GPR137C: variants seen among roughly 807,000 people sequenced by gnomAD.
GPR137C encodes G protein-coupled receptor 137C, also known as integral membrane protein GPR137C.
A neutral mutation model predicts 43.4 loss-of-function variants in GPR137C; 27 were observed. The ratio of observed to expected loss-of-function variants is 0.62; its 90% CI spans 0.46 to 0.86. The LOEUF is 0.86. Ranked by LOEUF, GPR137C falls within the 40% of genes least tolerant of loss-of-function variation. The pLI is 0.00. For synonymous variants in GPR137C, 285 were observed against 226.9 expected, an observed-to-expected ratio of 1.26 and a Z score of -2.30; for missense variants, 522 against 534.6, an observed-to-expected ratio of 0.98 and a Z score of 0.23.
intron 1 of GPR137C, among the ~76,000 whole-genome samples, chr14:52,562,795 G>A (rs1181616010): frequency 6.6e-6 from 1 of 152,064 alleles, no homozygotes; most frequent in Non-Finnish European, 1.5e-5. Flanking sequence ...ATTTACATTA[G>A]AAGAAAACAT....
chr14:52,568,397 C>G (rs2038406266), intron 1 of GPR137C, among the ~76,000 whole-genome samples: 1 of 152,178 alleles, frequency 6.6e-6, no homozygotes, highest in Non-Finnish European at 1.5e-5. Flanking sequence ...GGACACTGAG[C>G]TAACTGCAGG....
chr14:52,553,180 T>C lies in GPR137C; in HGVS notation c.33T>C (p.Ala11=). Residue 11 remains alanine (A), a synonymous_variant, in exon 1 of 7, where the codon GCT becomes GCC. Transcript: ENST00000321662. ...TGTCCGTGCCGGGTCCGGCGGCCGC[T>C]GCCGCCCCCGCAGCCGGCCGCGAGC... MRVSVPGPAA[A]AAPAAGREPS... 2 of 1,192,570 alleles carry C rather than the reference T, an allele frequency of 1.7e-6. No individual in the cohort carries two copies. Among genetic ancestry groups the C allele is most frequent in the South Asian group, 4.2e-5 (1 of 24,002 alleles). The allele number at this position is 1,192,570 out of a possible 1,614,324, so 73.9% of individuals were successfully genotyped here.
At chr14:52,612,331 C>G (rs555388764) in intron 3 of GPR137C, 2 of 892,748 alleles carry the variant, frequency 2.2e-6, no homozygotes, top group Admixed American at 1.2e-4. Flanking sequence ...ATTTTTAAGG[C>G]TGCATAACAT....
intron 3 of GPR137C, chr14:52,613,312 A>G (rs533499463): frequency 5.9e-5 from 9 of 152,258 alleles, no homozygotes; most frequent in African/African-American, 1.9e-4. Context: ...ATTATGGAAA[A>G]TGCAATATCC....
At chr14:52,570,284 A>G (rs1043944922) in intron 1 of GPR137C, among the ~76,000 whole-genome samples, 5 of 152,228 alleles carry the variant, frequency 3.3e-5, no homozygotes, top group Non-Finnish European at 7.3e-5. Context: ...TCCTTTACAG[A>G]CAACCAAATG....
intron 1 of GPR137C, among the ~76,000 whole-genome samples, chr14:52,575,417 A>T (rs1220870779): frequency 6.6e-6 from 1 of 152,184 alleles, no homozygotes; most frequent in Non-Finnish European, 1.5e-5. Flanking sequence ...AATAAAATAT[A>T]AAAAATACTT....
intron 3 of GPR137C, among the ~76,000 whole-genome samples, chr14:52,630,409 T>G (rs1318695336): frequency 1.3e-5 from 2 of 152,264 alleles, no homozygotes; most frequent in South Asian, 2.1e-4. Flanking sequence ...TAATAATACA[T>G]TACTTCTAAA....
chr14:52,571,031 T>C (rs1217065377), intron 1 of GPR137C, among the ~76,000 whole-genome samples: 1 of 152,146 alleles, frequency 6.6e-6, no homozygotes, highest in Non-Finnish European at 1.5e-5. Context: ...ATCAACGAAA[T>C]ATACATTCTT....
At chr14:52,556,981 C>A (rs1264055946) in intron 1 of GPR137C, among the ~76,000 whole-genome samples, 2 of 152,078 alleles carry the variant, frequency 1.3e-5, no homozygotes, top group African/African-American at 2.4e-5. Context: ...AATTCAAAAT[C>A]TTAACTCTTA....
chr14:52,636,782 A>T lies in GPR137C; in HGVS notation c.*1667A>T, dbSNP rs2039357826. On this transcript the variant is annotated 3_prime_UTR_variant, in exon 7 of 7. Coordinates refer to ENST00000321662, the MANE Select transcript of GPR137C (RefSeq NM_001099652.2). ...TACTTATGTTATTTTGGGTTTGTTT[A>T]TAATTCTCTCATTGTAACCAAATTA... The T allele has an allele frequency of 6.6e-6, 1 of 152,152 alleles. No homozygotes were observed. The highest frequency in any genetic ancestry group is 6.6e-5 in the Admixed American group (1 of 15,252). 9.4% of individuals were successfully genotyped at this position (152,152 alleles called of 1,614,324 possible).
At chr14:52,598,402 A>AT (rs1308875812) in intron 2 of GPR137C, 87 bp downstream of exon 2, 35 of 576,190 alleles carry the variant, frequency 6.1e-5, no homozygotes, top group South Asian at 1.6e-4. Flanking sequence ...AAAAGATCTA[A>AT]TTTTTTTTAA....
At chr14:52,632,895 T>G (rs1319444270) in intron 4 of GPR137C, among the ~76,000 whole-genome samples, 2 of 152,156 alleles carry the variant, frequency 1.3e-5, no homozygotes, top group Non-Finnish European at 2.9e-5. Flanking sequence ...ACATACATTT[T>G]GACATAGCTA....
chr14:52,612,033 CT>C (rs2039044112), intron 3 of GPR137C: 1 of 985,162 alleles, frequency 1.0e-6, no homozygotes. Context: ...TTTTGGTTTT[CT>C]TTTGTTTTTC....
chr14:52,629,300 A>G (rs1306616857), intron 3 of GPR137C, among the ~76,000 whole-genome samples: 1 of 152,222 alleles, frequency 6.6e-6, no homozygotes, highest in East Asian at 1.9e-4. Flanking sequence ...AAACATATCC[A>G]CAAAACTATT....
At chr14:52,569,260 C>T (rs1040752097) in intron 1 of GPR137C, among the ~76,000 whole-genome samples, 6 of 151,990 alleles carry the variant, frequency 3.9e-5, no homozygotes, top group Non-Finnish European at 8.8e-5. Context: ...CAAAAAAGGA[C>T]ATCCATGCAA....
At chr14:52,563,755 C>T (rs935355107) in intron 1 of GPR137C, among the ~76,000 whole-genome samples, 1 of 152,060 alleles carries the variant, frequency 6.6e-6, no homozygotes, top group Non-Finnish European at 1.5e-5. Context: ...TCTCAATATT[C>T]TTTCTCCCTC....
chr14:52,635,377 A>G lies in GPR137C; in HGVS notation c.*262A>G. 3.2e-6 allele frequency: 1 copy of G among 309,740 alleles called. No homozygotes were observed. The highest frequency in any genetic ancestry group is 5.9e-6 in the Non-Finnish European group (1 of 170,870). The allele number at this position is 309,740 out of a possible 1,614,324, so 19.2% of individuals were successfully genotyped here. ...GGCCTCCAAAAATCCTGACTTTGGA[A>G]CATCAAATGCATATGTGCACTTTTA... On this transcript the variant is annotated 3_prime_UTR_variant, in exon 7 of 7. Transcript: ENST00000321662.
intron 1 of GPR137C, among the ~76,000 whole-genome samples, chr14:52,561,701 CTGAA>C (rs1397602505): frequency 6.6e-6 from 1 of 152,134 alleles, no homozygotes; most frequent in Admixed American, 6.5e-5. Flanking sequence ...AATCAGTATG[CTGAA>C]TGAAGGAAGC....
intron 1 of GPR137C, among the ~76,000 whole-genome samples, chr14:52,597,529 C>A (rs1232748927): frequency 6.6e-6 from 1 of 152,150 alleles, no homozygotes; most frequent in Non-Finnish European, 1.5e-5. Context: ...TTTTGTAGTT[C>A]CTCTGTAGTA....
Sources: gnomAD v4.1 joint callset for allele counts (sites outside exome capture counted in the v4.1 genomes callset) on GRCh38, gnomAD v4.1.1 for gene constraint, MANE v1.5 for transcripts, NCBI Gene and HGNC (gene_info 2026-07-23, HGNC 2026-07-21) for gene names.